DNAJB4: variants seen among roughly 807,000 people sequenced by gnomAD.
DNAJB4 encodes dnaJ homolog subfamily B member 4.
DNAJB4 carries 10 observed loss-of-function variants against 26.6 expected under a neutral mutation model. The ratio of observed to expected loss-of-function variants is 0.38; its 90% CI spans 0.23 to 0.64. The LOEUF is 0.64. Among genes scored for constraint, DNAJB4 ranks in the 30% least tolerant of loss-of-function variants. The pLI, the probability that DNAJB4 is intolerant of heterozygous loss-of-function variation, is 0.58. For synonymous variants in DNAJB4, 136 were observed against 134.8 expected (o/e 1.01, Z -0.06); for missense variants, 328 against 408.2 (o/e 0.80, Z 1.69).
chr1:78,011,846 AT>A (rs1034108979), intron 1 of DNAJB4, among the ~76,000 whole-genome samples: 2 of 151,356 alleles, frequency 1.3e-5, no homozygotes, highest in Non-Finnish European at 2.9e-5. Flanking sequence ...TGAATATGGT[AT>A]TTTTATTACA....
chr1:77,999,072 A>G (rs758904840), intron 1 of DNAJB4, among the ~76,000 whole-genome samples: 3 of 152,204 alleles, frequency 2.0e-5, no homozygotes, highest in Non-Finnish European at 4.4e-5. Context: ...ATCTATGGTA[A>G]TGATACCTCT....
chr1:78,015,200 C>T (rs1219206886), intron 2 of DNAJB4, among the ~76,000 whole-genome samples: 1 of 152,142 alleles, frequency 6.6e-6, no homozygotes, highest in African/African-American at 2.4e-5. Context: ...CACCATCTAG[C>T]CAGAATGTGT....
chr1:78,003,591 T>C (rs1209531882), upstream of DNAJB4, among the ~76,000 whole-genome samples: 1 of 152,210 alleles, frequency 6.6e-6, no homozygotes, highest in African/African-American at 2.4e-5. Context: ...CTTTTCCTCA[T>C]AAAGGTTTTC....
intron 1 of DNAJB4, among the ~76,000 whole-genome samples, chr1:77,993,668 C>T (rs193084711): frequency 1.1e-4 from 16 of 152,064 alleles, no homozygotes; most frequent in Non-Finnish European, 2.2e-4. Flanking sequence ...ACTGTTTTAT[C>T]CTTCATGTTA....
intron 1 of DNAJB4, among the ~76,000 whole-genome samples, chr1:77,987,890 C>CATATGTATATATGTATATATATTTTAT (rs1217846931): frequency 4.0e-5 from 6 of 149,016 alleles, no homozygotes; most frequent in Non-Finnish European, 7.4e-5. Context: ...CACCCTAAGC[C>CATATGTATATATGTATATATATTTTAT]ATATGTATAT....
intron 1 of DNAJB4, among the ~76,000 whole-genome samples, chr1:78,011,091 C>T (rs1378710402): frequency 1.3e-5 from 2 of 151,906 alleles, no homozygotes; most frequent in Non-Finnish European, 2.9e-5. Context: ...CTGTATTGAC[C>T]CCTTAAAAGA....
upstream of DNAJB4, chr1:78,004,536 T>C (rs1571439944): frequency 6.6e-6 from 1 of 152,388 alleles, no homozygotes; most frequent in East Asian, 1.9e-4. Context: ...GACAAATAGC[T>C]TAAAATTAAA....
At chr1:78,010,239 AG>A (rs1011516573) in intron 1 of DNAJB4, among the ~76,000 whole-genome samples, 3 of 152,302 alleles carry the variant, frequency 2.0e-5, no homozygotes, top group African/African-American at 4.8e-5. Context: ...TAGATTGGGC[AG>A]GCTGATTTAC....
intron 1 of DNAJB4, among the ~76,000 whole-genome samples, chr1:77,987,177 C>T (rs774425479): frequency 6.6e-6 from 1 of 152,186 alleles, no homozygotes; most frequent in Non-Finnish European, 1.5e-5. Context: ...TTTGTGAGTG[C>T]TAGGACTCAA....
chr1:78,005,376 T>TC (rs11384806), intron 1 of DNAJB4, 55 bp downstream of exon 1: 836,559 of 1,135,436 alleles, frequency 0.74, 276,171 homozygotes, highest in African/African-American at 0.81. Context: ...TTTTTTTTTT[T>TC]TCTCTCTCTC....
At chr1:77,982,637 A>C (rs938026688) in intron 1 of DNAJB4, among the ~76,000 whole-genome samples, 6 of 152,210 alleles carry the variant, frequency 3.9e-5, no homozygotes, top group African/African-American at 1.2e-4. Context: ...GGCTCTACTA[A>C]AAATACAAAA....
chr1:78,004,582 G>A (rs949725996), upstream of DNAJB4: 4 of 152,620 alleles, frequency 2.6e-5, no homozygotes, highest in African/African-American at 9.7e-5. Context: ...CCTTTTATCT[G>A]TATATTAACT....
intron 1 of DNAJB4, among the ~76,000 whole-genome samples, chr1:77,993,054 G>T (rs1221288702): frequency 6.6e-6 from 1 of 152,062 alleles, no homozygotes; most frequent in Non-Finnish European, 1.5e-5. Flanking sequence ...AAAAACTATA[G>T]TTTTTAAAGT....
At chr1:78,009,136 A>G (rs1299117365) in intron 1 of DNAJB4, among the ~76,000 whole-genome samples, 2 of 152,174 alleles carry the variant, frequency 1.3e-5, no homozygotes, top group African/African-American at 4.8e-5. Flanking sequence ...GTGTTCTAAA[A>G]ACATGTAAGT....
chr1:78,007,753 A>G (rs1660367510), intron 1 of DNAJB4, among the ~76,000 whole-genome samples: 1 of 152,180 alleles, frequency 6.6e-6, no homozygotes, highest in South Asian at 2.1e-4. Flanking sequence ...GTAGGGGAAA[A>G]CATTTTTTCT....
At chr1:78,015,089 T>C (rs1327423531) in intron 2 of DNAJB4, among the ~76,000 whole-genome samples, 1 of 152,202 alleles carries the variant, frequency 6.6e-6, no homozygotes. Flanking sequence ...CCTCTGTTCT[T>C]ACACTATACA....
chr1:77,987,361 T>C (rs1202138466), intron 1 of DNAJB4, among the ~76,000 whole-genome samples: 1 of 152,192 alleles, frequency 6.6e-6, no homozygotes, highest in African/African-American at 2.4e-5. Context: ...GCTCTTGGGC[T>C]CAAGTGATCC....
intron 1 of DNAJB4, among the ~76,000 whole-genome samples, chr1:77,980,942 A>C (rs1050236179): frequency 3.9e-5 from 6 of 152,290 alleles, no homozygotes; most frequent in African/African-American, 1.4e-4. Flanking sequence ...ATGTATAGAA[A>C]AACAGTAAAA....
intron 1 of DNAJB4, among the ~76,000 whole-genome samples, chr1:77,990,889 T>C (rs1659915779): frequency 1.3e-5 from 2 of 152,262 alleles, no homozygotes; most frequent in South Asian, 2.1e-4. Context: ...AGTAAAAGTT[T>C]ATTGAACAGC....
Sources: gnomAD v4.1 joint callset for allele counts (sites outside exome capture counted in the v4.1 genomes callset) on GRCh38, gnomAD v4.1.1 for gene constraint, MANE v1.5 for transcripts, NCBI Gene and HGNC (gene_info 2026-07-23, HGNC 2026-07-21) for gene names.